The following OPRM1 variants were observed in gnomAD, a reference collection of about 807,000 sequenced individuals.
The protein encoded by OPRM1 is opioid receptor mu 1.
In OPRM1, 27 loss-of-function variants were observed where a neutral mutation model predicts 31.8. The observed-to-expected ratio is 0.85, with a 90% CI of 0.63 to 1.17. OPRM1 has a LOEUF of 1.17. Among genes scored for constraint, OPRM1 ranks in the 50% most tolerant of loss-of-function variants. The probability of loss-of-function intolerance (pLI) is 0.00; values close to 1 mark genes in which losing one functional copy is unlikely to be tolerated. For missense variants in OPRM1, 536 were observed against 511.1 expected (o/e 1.05, Z -0.47); for synonymous variants, 196 against 189.9 (o/e 1.03, Z -0.26).
rs146844958 is a variant in OPRM1 at position 154,068,719 on chromosome 6, T to G, written c.291-21107T>G. Reference sequence around the variant, plus strand: ...TTATTTTGTTCCCTTTGGATATATATACCTAGTAGTGAGATTGCTAGATCA... The same window carrying G: ...TTATTTTGTTCCCTTTGGATATATAGACCTAGTAGTGAGATTGCTAGATCA... On this transcript the variant is annotated intron_variant, in intron 1 of 3. Coordinates refer to ENST00000330432, the MANE Select transcript of OPRM1 (RefSeq NM_000914.5). 5.9e-3 allele frequency among the ~76,000 whole-genome samples: 896 copies of G among 152,336 alleles called. 6 individuals carry two copies. Among genetic ancestry groups the G allele is most frequent in the African/African-American group, 0.021 (854 of 41,576 alleles).
At position 154,118,896 on chromosome 6, in the gene OPRM1, A is replaced by G; in HGVS notation, c.*175A>G. On this transcript the variant is annotated 3_prime_UTR_variant, in exon 4 of 4. Coordinates refer to ENST00000330432, the MANE Select transcript of OPRM1 (RefSeq NM_000914.5). ...GCTCTGCACATTAGAGGGACAGCCA[A>G]AAGTAAGTGGAGCATTTGGAAGGAA... 7.0e-7 allele frequency: 1 copy of G among 1,426,572 alleles called. No individual in the cohort carries two copies. Among genetic ancestry groups the G allele is most frequent in the Non-Finnish European group, 9.1e-7 (1 of 1,095,116 alleles). The allele number at this position is 1,426,572 out of a possible 1,614,324, so 88.4% of individuals were successfully genotyped here. A position where few individuals can be genotyped will look rare whatever the true frequency, so the allele number is the denominator to read the frequency against.
rs1170815683 is a variant in OPRM1 at position 154,120,849 on chromosome 6, T to TC, written c.*2130dup. On this transcript the variant is annotated 3_prime_UTR_variant, in exon 4 of 4. Transcript: ENST00000330432. ...TCAAGTAGGACCTGATCTATCTTTTTCCACAAATGTCATGTGTGTGAACAA... is the reference window on the plus strand; with the variant it reads ...TCAAGTAGGACCTGATCTATCTTTTTCCCACAAATGTCATGTGTGTGAACAA... Among the ~76,000 whole-genome samples, 2 of 152,172 alleles carry TC rather than the reference T, an allele frequency of 1.3e-5. No individual in the cohort carries two copies. Among genetic ancestry groups the TC allele is most frequent in the Non-Finnish European group, 2.9e-5 (2 of 68,010 alleles).
At chr6:154,208,317 CTT>C (rs1455724323) in intron 3 of OPRM1, among the ~76,000 whole-genome samples, 1 of 152,174 alleles carries the variant, frequency 6.6e-6, no homozygotes, top group Non-Finnish European at 1.5e-5. Flanking sequence ...GCTTGGAAAA[CTT>C]TTCCCCCAAA....
chr6:154,223,828 T>C (rs1583841220), intron 3 of OPRM1, among the ~76,000 whole-genome samples: 1 of 152,366 alleles, frequency 6.6e-6, no homozygotes, highest in East Asian at 1.9e-4. Flanking sequence ...GGGGATTAAA[T>C]CACAGAGCTG....
At chr6:154,058,493 T>C (rs1783772052) in intron 1 of OPRM1, among the ~76,000 whole-genome samples, 1 of 152,222 alleles carries the variant, frequency 6.6e-6, no homozygotes, top group Admixed American at 6.5e-5. Context: ...ATGCATCAAT[T>C]ATCTTTAGCC....
chr6:154,180,412 A>ATTTTTTT (rs1301879776), intron 3 of OPRM1, among the ~76,000 whole-genome samples: 6 of 50,808 alleles, frequency 1.2e-4, no homozygotes, highest in African/African-American at 3.2e-4. Flanking sequence ...ATATATATAT[A>ATTTTTTT]TATTTTTTTT....
intron 3 of OPRM1, among the ~76,000 whole-genome samples, chr6:154,092,531 G>C (rs565942545): frequency 6.6e-6 from 1 of 152,308 alleles, no homozygotes; most frequent in East Asian, 1.9e-4. Flanking sequence ...TGTGAGGACA[G>C]ATGGCTCCGG....
At chr6:154,068,032 T>C (rs1005806554) in intron 1 of OPRM1, among the ~76,000 whole-genome samples, 1 of 152,148 alleles carries the variant, frequency 6.6e-6, no homozygotes, top group Non-Finnish European at 1.5e-5. Context: ...TACTGTACTT[T>C]CCTTTCAACC....
rs778123909 is a variant in OPRM1, at chr6:154,118,723, A to G, written c.*2A>G. 7 of 1,613,260 alleles carry G rather than the reference A, an allele frequency of 4.3e-6. No homozygotes were observed. In the South Asian group the frequency reaches 6.6e-5, roughly 15 times the overall value. ...GCAGAAACTGCTCCGTTGCCCTAAC[A>G]GGGTCTCATGCCATTCCGACCTTCA... On this transcript the variant is annotated 3_prime_UTR_variant, in exon 4 of 4. Transcript: ENST00000330432.
chr6:154,119,113 G>A lies in OPRM1; in HGVS notation c.*392G>A. On this transcript the variant is annotated 3_prime_UTR_variant, in exon 4 of 4. Coordinates refer to ENST00000330432, the MANE Select transcript of OPRM1 (RefSeq NM_000914.5). ...TAAGTTCACCGTAGTAACACATAAAGTAAATGCTACCTCTGATCAAAGCAC... is the reference window on the plus strand; with the variant it reads ...TAAGTTCACCGTAGTAACACATAAAATAAATGCTACCTCTGATCAAAGCAC... 3 of 998,306 alleles carry A rather than the reference G, an allele frequency of 3.0e-6. No individual in the cohort carries two copies. The highest frequency in any genetic ancestry group is 3.6e-6 in the Non-Finnish European group (3 of 838,128). 61.8% of individuals were successfully genotyped at this position (998,306 alleles called of 1,614,324 possible). A position where few individuals can be genotyped will look rare whatever the true frequency, so the allele number is the denominator to read the frequency against.
At chr6:154,070,443 T>G (rs1786438796) in intron 1 of OPRM1, among the ~76,000 whole-genome samples, 1 of 152,218 alleles carries the variant, frequency 6.6e-6, no homozygotes, top group African/African-American at 2.4e-5. Context: ...CCAGAATCTT[T>G]GCCACTGTTA....
intron 3 of OPRM1, among the ~76,000 whole-genome samples, chr6:154,243,025 T>C (rs1259543777): frequency 1.3e-5 from 2 of 152,162 alleles, no homozygotes; most frequent in African/African-American, 2.4e-5. Context: ...ATAAGTTTGA[T>C]GGAATTGGAT....
downstream of OPRM1, among the ~76,000 whole-genome samples, chr6:154,132,436 G>A (rs954057415): frequency 7.2e-4 from 110 of 152,144 alleles, no homozygotes; most frequent in African/African-American, 2.4e-3. Flanking sequence ...ATGTTGCGAC[G>A]TAGGTAAATA....
At chr6:154,107,998 A>G in intron 3 of OPRM1, 1 of 625,616 alleles carries the variant, frequency 1.6e-6, no homozygotes, top group Non-Finnish European at 2.9e-6. Flanking sequence ...ATTGCCATTC[A>G]TTCAACCGTT....
At chr6:154,140,091 A>G (rs1798157931) in intron 3 of OPRM1, among the ~76,000 whole-genome samples, 1 of 152,164 alleles carries the variant, frequency 6.6e-6, no homozygotes, top group Non-Finnish European at 1.5e-5. Flanking sequence ...GCTATGACTC[A>G]GTTTTCTTCT....
chr6:154,217,224 C>T (rs549436275), intron 3 of OPRM1: 6 of 163,966 alleles, frequency 3.7e-5, no homozygotes, highest in African/African-American at 9.5e-5. Context: ...TTTAAAAGTG[C>T]AGAGAGTGAT....
At chr6:154,171,893 T>C (rs1474201134) in intron 3 of OPRM1, among the ~76,000 whole-genome samples, 1 of 152,230 alleles carries the variant, frequency 6.6e-6, no homozygotes, top group Admixed American at 6.5e-5. Context: ...AGAATTCTAC[T>C]TAGATTAAGG....
chr6:154,062,707 A>G (rs972007010), intron 1 of OPRM1, among the ~76,000 whole-genome samples: 4 of 152,072 alleles, frequency 2.6e-5, no homozygotes, highest in African/African-American at 9.7e-5. Context: ...ATCAAGATCT[A>G]CAGGAACTAA....
chr6:154,010,822 G>T, exon 1 of OPRM1: 1 of 1,383,844 alleles, frequency 7.2e-7, no homozygotes, highest in Non-Finnish European at 9.4e-7. Context: ...ATAGAAAAGG[G>T]CTCCTGCTTT....
Sources: allele counts gnomAD v4.1 joint callset (sites outside exome capture counted in the v4.1 genomes callset), GRCh38; gene constraint gnomAD v4.1.1; transcripts MANE v1.5; gene names NCBI Gene and HGNC (gene_info 2026-07-23, HGNC 2026-07-21).